Variants in MAN1A2 observed in about 807,000 individuals in gnomAD.
MAN1A2 encodes the protein mannosidase alpha class 1A member 2.
A neutral mutation model predicts 75.7 loss-of-function variants in MAN1A2; 26 were observed. That is an observed-to-expected ratio of 0.34 (90% confidence interval 0.25 to 0.48). MAN1A2 has a LOEUF of 0.48. Ranked by LOEUF, MAN1A2 falls within the 20% of genes least tolerant of loss-of-function variation. The pLI, the probability that MAN1A2 is intolerant of heterozygous loss-of-function variation, is 0.99. For missense variants in MAN1A2, 562 were observed against 775.5 expected (o/e 0.72, Z 3.27); for synonymous variants, 247 against 264.6 (o/e 0.93, Z 0.65).
chr1:117,400,206 G>A lies in MAN1A2; in HGVS notation c.303-1980G>A, dbSNP rs189437527. 1.2e-3 allele frequency among the ~76,000 whole-genome samples: 183 copies of A among 151,882 alleles called. 1 individual carries two copies. Among genetic ancestry groups the A allele is most frequent in the Admixed American group, 4.8e-3 (73 of 15,240 alleles). ...TCAATCCAGTCTGTCTGTAGGGCCC[G>A]TGGATTCTTCCTCCCTGCTGAATGA... On this transcript the variant is annotated intron_variant, in intron 1 of 12. Coordinates refer to ENST00000356554, the MANE Select transcript of MAN1A2 (RefSeq NM_006699.5).
chr1:117,470,030 A>G (rs1650098788), intron 8 of MAN1A2, among the ~76,000 whole-genome samples: 1 of 152,164 alleles, frequency 6.6e-6, no homozygotes, highest in Admixed American at 6.6e-5. Context: ...TGTTCATTAC[A>G]TTATTTATGA....
chr1:117,436,615 GT>G (rs1478427683), intron 5 of MAN1A2, among the ~76,000 whole-genome samples: 2 of 152,338 alleles, frequency 1.3e-5, no homozygotes, highest in East Asian at 3.9e-4. Flanking sequence ...AATTGTGCTT[GT>G]AGGGATGAGG....
chr1:117,466,464 A>T (rs1649986948), intron 8 of MAN1A2, 37 bp downstream of exon 8: 1 of 1,355,752 alleles, frequency 7.4e-7, no homozygotes, highest in Admixed American at 2.2e-5. Flanking sequence ...TTCTTAAAAA[A>T]TTATTTGTCT....
chr1:117,525,031 ATT>A lies in MAN1A2; in HGVS notation c.*2075_*2076del. On this transcript the variant is annotated 3_prime_UTR_variant, in exon 13 of 13. Coordinates refer to ENST00000356554, the MANE Select transcript of MAN1A2 (RefSeq NM_006699.5). ...GTGCAGATGGCAATGAACTCTCTGA[ATT>A]CTCTTTTACCTTATTTAGAAGAATG... The A allele has an allele frequency of 2.1e-6, 1 of 476,238 alleles. No individual in the cohort carries two copies. Among genetic ancestry groups the A allele is most frequent in the Non-Finnish European group, 4.4e-6 (1 of 229,636 alleles). 29.5% of individuals were successfully genotyped at this position (476,238 alleles called of 1,614,324 possible).
intron 8 of MAN1A2, among the ~76,000 whole-genome samples, chr1:117,467,175 T>G (rs1336581230): frequency 6.6e-6 from 1 of 152,188 alleles, no homozygotes; most frequent in Non-Finnish European, 1.5e-5. Context: ...ATTGTAGGTT[T>G]ATCAATGCTA....
chr1:117,478,875 G>A (rs1650401622), intron 8 of MAN1A2, among the ~76,000 whole-genome samples: 3 of 151,678 alleles, frequency 2.0e-5, no homozygotes. Context: ...CTCAATAGTT[G>A]TTTTTGCTCT....
At chr1:117,511,087 G>C (rs1651519433) in intron 12 of MAN1A2, among the ~76,000 whole-genome samples, 1 of 152,036 alleles carries the variant, frequency 6.6e-6, no homozygotes, top group South Asian at 2.1e-4. Context: ...TGGCAGAAGG[G>C]GAGGTGGGCA....
chr1:117,390,365 T>C (rs1371085247), intron 1 of MAN1A2, among the ~76,000 whole-genome samples: 1 of 151,974 alleles, frequency 6.6e-6, no homozygotes, highest in Admixed American at 6.6e-5. Flanking sequence ...TAGTTTTTTT[T>C]TTTTAAACAA....
chr1:117,466,617 A>G (rs889566652), intron 8 of MAN1A2, among the ~76,000 whole-genome samples, 190 bp downstream of exon 8: 1 of 152,164 alleles, frequency 6.6e-6, no homozygotes, highest in Non-Finnish European at 1.5e-5. Context: ...TAAAATGGAA[A>G]TGTTAATAAC....
At chr1:117,424,456 C>T (rs930845514) in intron 5 of MAN1A2, among the ~76,000 whole-genome samples, 2 of 152,200 alleles carry the variant, frequency 1.3e-5, no homozygotes, top group Non-Finnish European at 2.9e-5. Context: ...CTCCACCTTT[C>T]GTACCCATAA....
intron 5 of MAN1A2, among the ~76,000 whole-genome samples, chr1:117,438,264 G>GT (rs1460042860): frequency 2.6e-5 from 4 of 151,594 alleles, no homozygotes; most frequent in African/African-American, 9.7e-5. Flanking sequence ...AGTTTAAAAA[G>GT]TAAAAAAAAA....
intron 1 of MAN1A2, among the ~76,000 whole-genome samples, chr1:117,394,492 G>C (rs1653845528): frequency 6.6e-6 from 1 of 152,140 alleles, no homozygotes; most frequent in Non-Finnish European, 1.5e-5. Flanking sequence ...AATTACTTTT[G>C]TAGTTTATCA....
intron 3 of MAN1A2, among the ~76,000 whole-genome samples, chr1:117,411,053 G>A (rs1450906291): frequency 1.3e-5 from 2 of 151,680 alleles, no homozygotes; most frequent in African/African-American, 2.4e-5. Flanking sequence ...ATTTAGAGGA[G>A]TCCAATGAAA....
intron 8 of MAN1A2, among the ~76,000 whole-genome samples, chr1:117,482,688 G>C (rs746654634): frequency 8.6e-5 from 13 of 151,914 alleles, no homozygotes; most frequent in Non-Finnish European, 1.9e-4. Flanking sequence ...CATTCTGTAG[G>C]TTGCCTGTTC....
intron 1 of MAN1A2, among the ~76,000 whole-genome samples, chr1:117,384,220 T>G (rs1232479499): frequency 6.6e-6 from 1 of 152,198 alleles, no homozygotes; most frequent in Non-Finnish European, 1.5e-5. Context: ...TAAAGATTAT[T>G]GATTTTAGAT....
At chr1:117,489,009 G>A (rs1410370763) in intron 8 of MAN1A2, among the ~76,000 whole-genome samples, 1 of 151,948 alleles carries the variant, frequency 6.6e-6, no homozygotes, top group African/African-American at 2.4e-5. Flanking sequence ...AAACTATATA[G>A]ATAATTCTGA....
chr1:117,418,670 A>G, intron 4 of MAN1A2, among the ~76,000 whole-genome samples: 1 of 152,088 alleles, frequency 6.6e-6, no homozygotes, highest in East Asian at 1.9e-4. Flanking sequence ...TGTTTCATCA[A>G]TCTGAAGACT....
At chr1:117,399,076 A>G (rs1489060412) in intron 1 of MAN1A2, among the ~76,000 whole-genome samples, 1 of 152,214 alleles carries the variant, frequency 6.6e-6, no homozygotes, top group Non-Finnish European at 1.5e-5. Context: ...AGTAAGTTCA[A>G]GAAGTGTTGT....
chr1:117,399,635 A>G (rs1217460291), intron 1 of MAN1A2, among the ~76,000 whole-genome samples: 2 of 152,190 alleles, frequency 1.3e-5, no homozygotes, highest in East Asian at 3.9e-4. Context: ...CATGATAGCA[A>G]GCACTTTCCC....
Sources: allele counts gnomAD v4.1 joint callset (sites outside exome capture counted in the v4.1 genomes callset), GRCh38; gene constraint gnomAD v4.1.1; transcripts MANE v1.5; gene names NCBI Gene and HGNC (gene_info 2026-07-23, HGNC 2026-07-21).